Variants in DPH6 observed in about 807,000 individuals in gnomAD.
DPH6 encodes diphthamine biosynthesis 6.
Under a neutral mutation model 38.2 loss-of-function variants are expected in DPH6, and 33 were observed. The observed-to-expected ratio is 0.86, with a 90% CI of 0.65 to 1.15. The LOEUF is 1.15. Among genes scored for constraint, DPH6 ranks in the 50% most tolerant of loss-of-function variants. DPH6 has a pLI of 0.00. For missense variants in DPH6, 325 were observed against 320.0 expected (o/e 1.02, Z -0.12); for synonymous variants, 108 against 103.0 (o/e 1.05, Z -0.30).
At chr15:35,519,528 G>C (rs2054892398) in intron 3 of DPH6, 1 of 151,936 alleles carries the variant, frequency 6.6e-6, no homozygotes, top group Admixed American at 6.6e-5. Context: ...AGAAGAAGCA[G>C]CCAATAATTC....
chr15:35,388,183 G>A (rs1164872294), intron 6 of DPH6, among the ~76,000 whole-genome samples: 1 of 152,140 alleles, frequency 6.6e-6, no homozygotes, highest in Non-Finnish European at 1.5e-5. Context: ...TGCATCCCAG[G>A]GATGAAGCCC....
chr15:35,350,713 T>C (rs1406333567), intron 3 of DPH6, among the ~76,000 whole-genome samples: 1 of 152,196 alleles, frequency 6.6e-6, no homozygotes, highest in Non-Finnish European at 1.5e-5. Context: ...CAAGAGTGTA[T>C]TAATTTCCAC....
In DPH6 at chr15:35,255,364, T is replaced by C. The variant is rs111618979; in HGVS notation, n.201-34782A>G. 3.7e-3 allele frequency among the ~76,000 whole-genome samples: 566 copies of C among 152,298 alleles called. 6 individuals carry two copies. The highest frequency in any genetic ancestry group is 0.013 in the African/African-American group (546 of 41,564). ...AACCATCCATTGGTTTGAGAATCAA[T>C]AGAGTAAAAGAGAAGATAAATGAGG... On this transcript the variant is annotated intron_variant and non_coding_transcript_variant, in intron 3 of 3. Coordinates refer to the DPH6 transcript ENST00000560386.
chr15:35,326,865 C>A (rs1052378289), downstream of DPH6, among the ~76,000 whole-genome samples: 1 of 152,190 alleles, frequency 6.6e-6, no homozygotes, highest in African/African-American at 2.4e-5. Context: ...TGCATTCTAG[C>A]TGAGGATCAC....
the DPH6 span, among the ~76,000 whole-genome samples, chr15:35,182,671 G>A: frequency 7.9e-5 from 12 of 152,110 alleles, no homozygotes; most frequent in African/African-American, 2.9e-4. Context: ...AAACTTCTAT[G>A]GCTATACAAA....
At chr15:35,483,796 T>G (rs533694224) in intron 3 of DPH6, among the ~76,000 whole-genome samples, 1 of 152,198 alleles carries the variant, frequency 6.6e-6, no homozygotes, top group African/African-American at 2.4e-5. Flanking sequence ...CAATTTTCGA[T>G]TAATTTGTGA....
At chr15:35,194,369 CAG>C in the DPH6 span, among the ~76,000 whole-genome samples, 737 of 143,626 alleles carry the variant, frequency 5.1e-3, no homozygotes, top group Middle Eastern at 7.2e-3. Context: ...TTCCTTTTTC[CAG>C]AGAGAGAGAG....
rs147109319 is a variant in DPH6, at chr15:35,255,786, C to T, written n.201-35204G>A. On this transcript the variant is annotated intron_variant and non_coding_transcript_variant, in intron 3 of 3. Transcript: ENST00000560386. ...AATGAGTTTATTAGTTGGAGGGGAG[C>T]AGTTACTCCTAAATAATGAATATGA... Among the ~76,000 whole-genome samples the T allele has an allele frequency of 1.0e-3, 159 of 152,206 alleles. 4 individuals carry two copies. The highest frequency in any genetic ancestry group is 2.9e-3 in the African/African-American group (120 of 41,520).
chr15:35,466,798 G>C (rs2054131753), intron 3 of DPH6, among the ~76,000 whole-genome samples: 1 of 152,002 alleles, frequency 6.6e-6, no homozygotes, highest in Non-Finnish European at 1.5e-5. Context: ...AATACTGTAG[G>C]GAATTGTAAC....
chr15:35,425,702 T>G (rs2053560874), intron 5 of DPH6, among the ~76,000 whole-genome samples: 2 of 150,240 alleles, frequency 1.3e-5, no homozygotes, highest in South Asian at 2.1e-4. Context: ...GGTGTGTGTG[T>G]GTATGGGTGT....
intron 6 of DPH6, among the ~76,000 whole-genome samples, chr15:35,406,485 A>T (rs11073091): frequency 0.31 from 46,686 of 151,840 alleles, 7,928 homozygotes; most frequent in African/African-American, 0.46. Context: ...CAATTGACTG[A>T]CAAGGGGCAA....
intron 3 of DPH6, among the ~76,000 whole-genome samples, chr15:35,240,418 C>T (rs1191950448): frequency 7.0e-6 from 1 of 142,332 alleles, no homozygotes; most frequent in East Asian, 2.2e-4. Flanking sequence ...TCTTTCTAAT[C>T]TTCCTTTTCT....
At chr15:35,516,953 T>C (rs568183978) in intron 3 of DPH6, among the ~76,000 whole-genome samples, 1 of 152,290 alleles carries the variant, frequency 6.6e-6, no homozygotes, top group African/African-American at 2.4e-5. Flanking sequence ...TTAATGTATA[T>C]TATTCAAGGA....
In DPH6 at chr15:35,463,023, G is replaced by C. The variant is rs187645790; in HGVS notation, c.313-8203C>G. Among the ~76,000 whole-genome samples the C allele has an allele frequency of 1.7e-3, 266 of 152,028 alleles. 2 individuals are homozygous for C. Among genetic ancestry groups the C allele is most frequent in the African/African-American group, 6.3e-3 (260 of 41,460 alleles). On this transcript the variant is annotated intron_variant, in intron 3 of 8. Transcript: ENST00000256538. The stretch of plus-strand genomic sequence containing the variant: ...ATTAACACACCAGTAGTAAAAATGA[G>C]GAAAGGATATTAATAGGTAATTTTT...
At position 35,438,238 on chromosome 15, in the gene DPH6, T is replaced by C. The variant is rs574414328; in HGVS notation, c.505+12447A>G. Among the ~76,000 whole-genome samples, 6 of 151,676 alleles carry C rather than the reference T, an allele frequency of 4.0e-5. No individual in the cohort carries two copies. The South Asian group carries it at 1.0e-3, about 26-fold the overall frequency. On this transcript the variant is annotated intron_variant, in intron 5 of 8. Transcript: ENST00000256538. The stretch of plus-strand genomic sequence containing the variant: ...TGTCTTGCCACCCTTAATACACACA[T>C]GAGAGGCCCTAAGATCATTTCTTTT...
intron 3 of DPH6, among the ~76,000 whole-genome samples, chr15:35,470,532 A>T (rs2054185415): frequency 6.6e-6 from 1 of 152,210 alleles, no homozygotes; most frequent in African/African-American, 2.4e-5. Flanking sequence ...TTGTGAAGAG[A>T]TGGTGCAATT....
chr15:35,477,543 T>TG (rs1441619481), intron 3 of DPH6, among the ~76,000 whole-genome samples: 1 of 151,834 alleles, frequency 6.6e-6, no homozygotes, highest in Non-Finnish European at 1.5e-5. Flanking sequence ...TCCTGGTAGA[T>TG]GTATTACTTT....
chr15:35,173,239 A>G, the DPH6 span, among the ~76,000 whole-genome samples: 2 of 152,182 alleles, frequency 1.3e-5, no homozygotes, highest in Non-Finnish European at 2.9e-5. Flanking sequence ...ACCTTGGGAA[A>G]TGTCAACTAT....
intron 3 of DPH6, among the ~76,000 whole-genome samples, chr15:35,315,748 T>C (rs1018869752): frequency 1.3e-5 from 2 of 152,222 alleles, no homozygotes; most frequent in African/African-American, 4.8e-5. Context: ...CCCATGTTTA[T>C]TGCAGCATTA....
Sources: gnomAD v4.1 joint callset for allele counts (sites outside exome capture counted in the v4.1 genomes callset) on GRCh38, gnomAD v4.1.1 for gene constraint, MANE v1.5 for transcripts, NCBI Gene and HGNC (gene_info 2026-07-23, HGNC 2026-07-21) for gene names.